RAD51: variants seen among roughly 807,000 people sequenced by gnomAD.
The protein encoded by RAD51 is RAD51 recombinase, also known as DNA repair protein RAD51 homolog 1.
In RAD51, 14 loss-of-function variants were observed where a neutral mutation model predicts 41.5. That is an observed-to-expected ratio of 0.34 (90% CI 0.22 to 0.53). The LOEUF is 0.53. Ranked by LOEUF, RAD51 falls within the 20% of genes least tolerant of loss-of-function variation. RAD51 has a pLI of 0.95. For synonymous variants in RAD51, 136 were observed against 148.6 expected (o/e 0.92, Z 0.62); for missense variants, 234 against 422.0 (o/e 0.55, Z 3.90).
intron 6 of RAD51, among the ~76,000 whole-genome samples, chr15:40,725,150 C>T (rs1896517803): frequency 6.6e-6 from 1 of 151,954 alleles, no homozygotes; most frequent in Admixed American, 6.6e-5. Flanking sequence ...CCACCCGCCT[C>T]GGCCTCCCAA....
At chr15:40,717,017 T>G (rs966033950) in intron 5 of RAD51, among the ~76,000 whole-genome samples, 3 of 151,550 alleles carry the variant, frequency 2.0e-5, no homozygotes, top group African/African-American at 7.3e-5. Context: ...ATAGTTGTTT[T>G]GTAATTTCAA....
At position 40,702,281 on chromosome 15, in the gene RAD51, C is replaced by T. The variant is rs575656972; in HGVS notation, c.225+1080C>T. Reference sequence around the variant, plus strand: ...GGGGTCCCTAAAGTCTTTCTGTTTTCGCTTTTTGGGTATCAGTTTTTGTGA... The same window carrying T: ...GGGGTCCCTAAAGTCTTTCTGTTTTTGCTTTTTGGGTATCAGTTTTTGTGA... On this transcript the variant is annotated intron_variant, in intron 3 of 9. Coordinates refer to ENST00000267868, the MANE Select transcript of RAD51 (RefSeq NM_002875.5). 4.6e-5 allele frequency among the ~76,000 whole-genome samples: 7 copies of T among 152,064 alleles called. No homozygotes were observed. The South Asian group carries it at 1.0e-3, about 23-fold the overall frequency.
At chr15:40,704,858 G>A (rs1895236705) in intron 3 of RAD51, among the ~76,000 whole-genome samples, 1 of 148,026 alleles carries the variant, frequency 6.8e-6, no homozygotes, top group South Asian at 2.2e-4. Context: ...TTAGTAGAGA[G>A]GAAGTTTCAC....
chr15:40,719,276 C>G (rs113771463), intron 6 of RAD51, among the ~76,000 whole-genome samples: 40,480 of 151,416 alleles, frequency 0.27, 6,386 homozygotes, highest in Middle Eastern at 0.36. Context: ...CCAGGCTGGT[C>G]TCAGACTCCT....
intron 6 of RAD51, among the ~76,000 whole-genome samples, chr15:40,725,510 G>T (rs45532539): frequency 0.012 from 1,852 of 152,102 alleles, 21 homozygotes; most frequent in South Asian, 0.02. Flanking sequence ...AATTTTTGCC[G>T]TGCCCTGTTG....
intron 6 of RAD51, 129 bp from the exon 7 acceptor site, chr15:40,728,582 C>T: frequency 1.2e-6 from 1 of 820,786 alleles, no homozygotes; most frequent in Non-Finnish European, 2.1e-6. Flanking sequence ...GAAATACATT[C>T]TTTGGTCCTG....
intron 4 of RAD51, among the ~76,000 whole-genome samples, chr15:40,707,069 C>T (rs972852691): frequency 1.3e-5 from 2 of 151,434 alleles, no homozygotes; most frequent in South Asian, 2.1e-4. Flanking sequence ...CAGCTCACTG[C>T]AACCTCTGCT....
chr15:40,708,014 CTTTTTTT>C (rs35792895), intron 4 of RAD51, among the ~76,000 whole-genome samples: 1 of 115,914 alleles, frequency 8.6e-6, no homozygotes, highest in Non-Finnish European at 1.8e-5. Context: ...CTGTGCCCAG[CTTTTTTT>C]TTTTTTTTTT....
At chr15:40,717,370 C>T (rs1292946453) in intron 5 of RAD51, among the ~76,000 whole-genome samples, 1 of 151,982 alleles carries the variant, frequency 6.6e-6, no homozygotes, top group East Asian at 1.9e-4. Context: ...TTTGGTTCTC[C>T]TAGGCCTTTA....
rs1896868202 is a variant in RAD51, at chr15:40,731,343, A to G, written c.*165A>G. The G allele has an allele frequency of 4.8e-6, 4 of 829,248 alleles. No homozygotes were observed. Among genetic ancestry groups the G allele is most frequent in the Non-Finnish European group, 5.8e-6 (3 of 519,126 alleles). 51.4% of individuals were successfully genotyped at this position (829,248 alleles called of 1,614,324 possible). Reference sequence around the variant, plus strand: ...TTTTCTGATGGTATAAACAGGAGACAGGTCAGTAGTCACAAACTGATCTAA... The same window carrying G: ...TTTTCTGATGGTATAAACAGGAGACGGGTCAGTAGTCACAAACTGATCTAA... On this transcript the variant is annotated 3_prime_UTR_variant, in exon 10 of 10. Transcript: ENST00000267868.
Position 40,715,219 on chromosome 15 carries a change from G to C in RAD51, c.436-3586G>C, listed in dbSNP as rs1230387425. Among the ~76,000 whole-genome samples the C allele has an allele frequency of 2.6e-5, 4 of 152,118 alleles. No homozygotes were observed. The South Asian group carries it at 6.2e-4, about 24-fold the overall frequency. ...AAAAATACAAAAATTAGCCAGGCGT[G>C]GGGGTGGGCGCCTGTAATCCCAGCT... On this transcript the variant is annotated intron_variant, in intron 5 of 9. Coordinates refer to ENST00000267868, the MANE Select transcript of RAD51 (RefSeq NM_002875.5).
At chr15:40,711,369 A>G (rs1233871707) in intron 5 of RAD51, among the ~76,000 whole-genome samples, 1 of 152,230 alleles carries the variant, frequency 6.6e-6, no homozygotes, top group East Asian at 1.9e-4. Flanking sequence ...TCGAGGCTCC[A>G]GTGACTGGGA....
intron 6 of RAD51, among the ~76,000 whole-genome samples, chr15:40,727,698 C>T (rs958138554): frequency 5.3e-5 from 8 of 151,820 alleles, no homozygotes; most frequent in Non-Finnish European, 1.0e-4. Flanking sequence ...TTTCACCATA[C>T]ATTCATGATC....
intron 4 of RAD51, 64 bp from the exon 5 acceptor site, chr15:40,708,961 T>A: frequency 2.9e-6 from 4 of 1,369,346 alleles, no homozygotes; most frequent in Non-Finnish European, 4.2e-6. Flanking sequence ...CCAAGAACAT[T>A]TCTATGACTA....
At position 40,729,499 on chromosome 15, in the gene RAD51, C is replaced by T. The variant is rs1896762396; in HGVS notation, c.645-6C>T. 1 of 1,612,360 alleles carries T rather than the reference C, an allele frequency of 6.2e-7. No individual in the cohort carries two copies. Among genetic ancestry groups the T allele is most frequent in the Non-Finnish European group, 8.5e-7 (1 of 1,179,122 alleles). The stretch of plus-strand genomic sequence containing the variant: ...ATAGGCTTCAGAGAATCCTTGTTTC[C>T]TGTAGGTATGCACTGCTTATTGTAG... On this transcript the variant is annotated splice_polypyrimidine_tract_variant and splice_region_variant and intron_variant, in intron 7 of 9. Coordinates refer to ENST00000267868, the MANE Select transcript of RAD51 (RefSeq NM_002875.5).
At chr15:40,709,191 G>A in intron 5 of RAD51, 75 bp downstream of exon 5, 1 of 1,314,936 alleles carries the variant, frequency 7.6e-7, no homozygotes, top group Non-Finnish European at 1.1e-6. Context: ...CATCTGTTAG[G>A]ATGGCCATAA....
chr15:40,712,985 TCTC>T (rs1895785729), intron 5 of RAD51, among the ~76,000 whole-genome samples: 1 of 148,888 alleles, frequency 6.7e-6, no homozygotes, highest in Non-Finnish European at 1.5e-5. Context: ...TTCAAGCCAT[TCTC>T]CTGCCTCAGC....
At chr15:40,698,993 A>G (rs970529442) in intron 2 of RAD51, 148 bp downstream of exon 2, 9 of 771,198 alleles carry the variant, frequency 1.2e-5, no homozygotes, top group Non-Finnish European at 2.0e-5. Context: ...AATCCTGTGG[A>G]AAGGCTGCAG....
intron 8 of RAD51, 52 bp downstream of exon 8, chr15:40,729,686 C>T (rs779790453): frequency 2.5e-6 from 4 of 1,612,584 alleles, no homozygotes; most frequent in East Asian, 4.5e-5. Context: ...GCTGTGAATT[C>T]CAGGAGCCTT....
Sources: gnomAD v4.1 joint callset for allele counts (sites outside exome capture counted in the v4.1 genomes callset) on GRCh38, gnomAD v4.1.1 for gene constraint, MANE v1.5 for transcripts, NCBI Gene and HGNC (gene_info 2026-07-23, HGNC 2026-07-21) for gene names.